Variants in GPR158 observed in about 807,000 individuals in gnomAD.
The protein encoded by GPR158 is G protein-coupled receptor 158.
A neutral mutation model predicts 78.2 loss-of-function variants in GPR158; 30 were observed. That is an observed-to-expected ratio of 0.38 (90% CI 0.29 to 0.52). The LOEUF (loss-of-function observed/expected upper bound fraction) is 0.52. Ranked by LOEUF, GPR158 falls within the 20% of genes least tolerant of loss-of-function variation. The probability of loss-of-function intolerance (pLI) is 0.83; values close to 1 mark genes in which losing one functional copy is unlikely to be tolerated. For synonymous variants in GPR158, 581 were observed against 591.1 expected (o/e 0.98, Z 0.25); for missense variants, 1,463 against 1,523.5 (o/e 0.96, Z 0.66).
rs1197473885 is a variant in GPR158, at chr10:25,580,926, TTA to T, written c.1753+8041_1753+8042del. On this transcript the variant is annotated intron_variant, in intron 7 of 10. Transcript: ENST00000376351. ...TTTTTTTATTTTATTTTATTTTATT[TTA>T]TTTTTTTGAGACGGAGTCTCGCTCT... is the stretch of plus-strand genomic sequence containing the variant. Among the ~76,000 whole-genome samples the T allele has an allele frequency of 2.2e-3, 282 of 129,860 alleles. 1 individual carries two copies. The highest frequency in any genetic ancestry group is 7.0e-3 in the Middle Eastern group (2 of 286). The allele number at this position is 129,860 out of a possible 152,430, so 85.2% of individuals were successfully genotyped here.
chr10:25,433,547 T>TGTGTTGTGTGTGTGTTGTGTG (rs67750453), intron 4 of GPR158, among the ~76,000 whole-genome samples: 9 of 96,458 alleles, frequency 9.3e-5, no homozygotes, highest in Admixed American at 2.3e-4. Context: ...TGTGTGTGTG[T>TGTGTTGTGTGTGTGTTGTGTG]TGTGTGTGTG....
chr10:25,305,663 G>A (rs1309283789), intron 2 of GPR158, among the ~76,000 whole-genome samples: 1 of 152,088 alleles, frequency 6.6e-6, no homozygotes, highest in Non-Finnish European at 1.5e-5. Context: ...GCCTCTGCAA[G>A]CTTCCCTTAA....
chr10:25,429,152 C>T (rs1288941399), intron 4 of GPR158, among the ~76,000 whole-genome samples: 1 of 152,032 alleles, frequency 6.6e-6, no homozygotes, highest in South Asian at 2.1e-4. Context: ...GCATAGCCTA[C>T]TAGCCAATTC....
At chr10:25,313,211 A>T (rs1396313428) in intron 2 of GPR158, among the ~76,000 whole-genome samples, 1 of 139,376 alleles carries the variant, frequency 7.2e-6, no homozygotes, top group East Asian at 2.1e-4. Flanking sequence ...GACTAAGTAT[A>T]AACTTTATCA....
intron 5 of GPR158, among the ~76,000 whole-genome samples, chr10:25,511,417 G>A (rs1162019070): frequency 1.3e-5 from 2 of 152,098 alleles, no homozygotes; most frequent in Non-Finnish European, 2.9e-5. Flanking sequence ...GCTGATTTGA[G>A]TTTGTTGTAG....
At chr10:25,226,880 T>C (rs535305413) in intron 2 of GPR158, among the ~76,000 whole-genome samples, 1 of 152,194 alleles carries the variant, frequency 6.6e-6, no homozygotes, top group Non-Finnish European at 1.5e-5. Context: ...TTGTAGTAGT[T>C]GCCTTTCAGG....
chr10:25,238,338 G>A (rs1022703565), intron 2 of GPR158, among the ~76,000 whole-genome samples: 3 of 152,142 alleles, frequency 2.0e-5, no homozygotes, highest in Admixed American at 1.3e-4. Context: ...TCATTAGACC[G>A]CATAATACCT....
Position 25,176,409 on chromosome 10 carries a change from C to T in GPR158, c.902+87C>T, listed in dbSNP as rs962492752. ...GTGGGTGCACGTGTGAGGAAGGAAC[C>T]CTTGGCTGTGACGCGAACGCTTCTC... On this transcript the variant is annotated intron_variant, in intron 1 of 10. Transcript: ENST00000376351. The surrounding 1 kb of genome is among the most constrained non-coding windows in gnomAD (Gnocchi z 6.3). 1.9e-6 allele frequency: 2 copies of T among 1,054,306 alleles called. No individual in the cohort carries two copies. Among genetic ancestry groups the T allele is most frequent in the South Asian group, 1.6e-5 (1 of 61,440 alleles). The allele number at this position is 1,054,306 out of a possible 1,614,324, so 65.3% of individuals were successfully genotyped here.
rs571657105 is a variant in GPR158, at chr10:25,456,466, C to T, written c.1336-10185C>T. On this transcript the variant is annotated intron_variant, in intron 4 of 10. Transcript: ENST00000376351. ...ATAAACTTAACAGTTCTGAGAAATT[C>T]TCTTCCTATTACGACATTTTTCTCC... 1.4e-3 allele frequency among the ~76,000 whole-genome samples: 207 copies of T among 152,316 alleles called. 4 individuals are homozygous for T. In the South Asian group the frequency reaches 0.041, roughly 30 times the overall value.
intron 2 of GPR158, among the ~76,000 whole-genome samples, chr10:25,310,127 GTT>G (rs1854742276): frequency 6.6e-6 from 1 of 152,148 alleles, no homozygotes; most frequent in South Asian, 2.1e-4. Context: ...TGGATATTCA[GTT>G]TTCCCAACAG....
chr10:25,360,619 T>C (rs1048847667), intron 2 of GPR158, among the ~76,000 whole-genome samples: 9 of 152,000 alleles, frequency 5.9e-5, no homozygotes, highest in Non-Finnish European at 1.3e-4. Context: ...TATATCTGTT[T>C]TGGCTGTTTT....
chr10:25,195,047 C>G (rs973459676), intron 1 of GPR158, among the ~76,000 whole-genome samples: 1 of 151,912 alleles, frequency 6.6e-6, no homozygotes, highest in Non-Finnish European at 1.5e-5. Flanking sequence ...AAGTCCAGAT[C>G]TTTTTCTAGA....
chr10:25,510,046 C>T (rs2093007472), intron 5 of GPR158, among the ~76,000 whole-genome samples: 1 of 152,244 alleles, frequency 6.6e-6, no homozygotes, highest in African/African-American at 2.4e-5. Context: ...CTTCCAAAGT[C>T]CCAATAACAT....
At chr10:25,395,159 A>T (rs1001106182) in intron 2 of GPR158, among the ~76,000 whole-genome samples, 4 of 152,192 alleles carry the variant, frequency 2.6e-5, no homozygotes, top group African/African-American at 9.6e-5. Flanking sequence ...GGTTAAAATT[A>T]TATCTTTTGC....
At chr10:25,359,361 C>A (rs1022864572) in intron 2 of GPR158, among the ~76,000 whole-genome samples, 1 of 151,930 alleles carries the variant, frequency 6.6e-6, no homozygotes, top group Non-Finnish European at 1.5e-5. Context: ...TGCACCCCTC[C>A]ACCCATCTTC....
chr10:25,386,301 C>T (rs948792123), intron 2 of GPR158, among the ~76,000 whole-genome samples: 2 of 152,146 alleles, frequency 1.3e-5, no homozygotes, highest in African/African-American at 4.8e-5. Context: ...GTCTATATGT[C>T]TGTCTTTATG....
chr10:25,542,359 A>G (rs1436136729), intron 5 of GPR158, among the ~76,000 whole-genome samples: 1 of 152,184 alleles, frequency 6.6e-6, no homozygotes, highest in Non-Finnish European at 1.5e-5. Flanking sequence ...TGACTCTCAG[A>G]GCTTTGGGAA....
At chr10:25,186,632 A>G (rs1056520149) in intron 1 of GPR158, among the ~76,000 whole-genome samples, 6 of 152,206 alleles carry the variant, frequency 3.9e-5, no homozygotes, top group African/African-American at 9.7e-5. Flanking sequence ...GAAGAAATGG[A>G]TAAATTCCTG....
intron 4 of GPR158, among the ~76,000 whole-genome samples, chr10:25,454,181 G>A (rs1564459955): frequency 2.0e-5 from 2 of 99,152 alleles, no homozygotes; most frequent in Admixed American, 1.0e-4. Context: ...TTAGGCTATT[G>A]AAAATGAGAT....
Sources: gnomAD v4.1 joint callset for allele counts (sites outside exome capture counted in the v4.1 genomes callset) on GRCh38, gnomAD v4.1.1 for gene constraint, Gnocchi (gnomAD v3.1) non-coding constraint, MANE v1.5 for transcripts, NCBI Gene and HGNC (gene_info 2026-07-23, HGNC 2026-07-21) for gene names.